The following GPR155 variants were observed in gnomAD, a reference collection of about 807,000 sequenced individuals.
GPR155 encodes the protein G protein-coupled receptor 155, also known as lysosomal cholesterol signaling protein.
A neutral mutation model predicts 93.1 loss-of-function variants in GPR155; 65 were observed. That is an observed-to-expected ratio of 0.70 (90% CI 0.57 to 0.86). The LOEUF (loss-of-function observed/expected upper bound fraction) is 0.86, where lower values mean the gene tolerates loss of function less well. GPR155 is among the 40% of genes least tolerant of loss of function. The pLI, the probability that GPR155 is intolerant of heterozygous loss-of-function variation, is 0.00. For synonymous variants in GPR155, 319 were observed against 360.1 expected, an observed-to-expected ratio of 0.89 and a Z score of 1.29; for missense variants, 838 against 1,034.8, an observed-to-expected ratio of 0.81 and a Z score of 2.61.
chr2:174,440,072 A>C (rs1417955132), intron 14 of GPR155, 37 bp from the exon 15 acceptor site: 1 of 1,584,468 alleles, frequency 6.3e-7, no homozygotes, highest in Non-Finnish European at 8.6e-7. Flanking sequence ...TAAGGACAGA[A>C]AAGCACTGAG....
rs11899528 is a variant in GPR155 at position 174,465,388 on chromosome 2, G to T, written c.1384+397C>A. On this transcript the variant is annotated intron_variant, in intron 7 of 15. Coordinates refer to ENST00000392552, the MANE Select transcript of GPR155 (RefSeq NM_152529.7). ...TGAGGCTTCAAAAGTTAAGTAATTTGCATGAGGCAGAGCCAGAATTTCCCT... is the reference window on the plus strand; with the variant it reads ...TGAGGCTTCAAAAGTTAAGTAATTTTCATGAGGCAGAGCCAGAATTTCCCT... Among the ~76,000 whole-genome samples the T allele has an allele frequency of 3.7e-4, 57 of 152,318 alleles. 1 individual carries two copies. In the East Asian group the frequency reaches 0.011, roughly 29 times the overall value.
In GPR155 at chr2:174,464,710, G is replaced by A. The variant is rs779922027; in HGVS notation, c.1384+1075C>T. ...TTATTAGACATCAAGTTGGTCCATC[G>A]ATATTTTGAAATATAAAGTCTTTAG... On this transcript the variant is annotated intron_variant, in intron 7 of 15. Transcript: ENST00000392552. Among the ~76,000 whole-genome samples the A allele has an allele frequency of 7.4e-4, 113 of 151,934 alleles. 1 individual carries two copies. The highest frequency in any genetic ancestry group is 1.2e-3 in the South Asian group (6 of 4,814).
chr2:174,467,000 T>C (rs1162739056), intron 5 of GPR155, among the ~76,000 whole-genome samples: 1 of 151,418 alleles, frequency 6.6e-6, no homozygotes, highest in African/African-American at 2.4e-5. Flanking sequence ...CTACTAAAAA[T>C]ACAAAAATTA....
At position 174,435,346 on chromosome 2, in the gene GPR155, C is replaced by T. The variant is rs1395693884; in HGVS notation, c.*770G>A. The T allele has an allele frequency of 6.6e-6, 1 of 152,108 alleles. No homozygotes were observed. Among genetic ancestry groups the T allele is most frequent in the African/African-American group, 2.4e-5 (1 of 41,422 alleles). 9.4% of individuals were successfully genotyped at this position (152,108 alleles called of 1,614,324 possible). On this transcript the variant is annotated 3_prime_UTR_variant, in exon 16 of 16. Transcript: ENST00000392552. Reference sequence around the variant, plus strand: ...TTATTCCCTAAACAATACAGTATAACAACAACTATTTACATAGCATTTACA... The same window carrying T: ...TTATTCCCTAAACAATACAGTATAATAACAACTATTTACATAGCATTTACA...
intron 13 of GPR155, 142 bp downstream of exon 13, chr2:174,444,939 T>C (rs1353544202): frequency 1.6e-6 from 1 of 606,242 alleles, no homozygotes; most frequent in Non-Finnish European, 2.9e-6. Flanking sequence ...CTGCCATGCA[T>C]ACCAGCAGCT....
Position 174,436,038 on chromosome 2 carries a change from T to C in GPR155, c.*78A>G. On this transcript the variant is annotated 3_prime_UTR_variant, in exon 16 of 16. Coordinates refer to ENST00000392552, the MANE Select transcript of GPR155 (RefSeq NM_152529.7). The stretch of plus-strand genomic sequence containing the variant: ...CTCAGAGAGGTTGCCTCTGTTAACT[T>C]GCCCAAGGTCACCCAGCTAAAAACT... The C allele has an allele frequency of 8.0e-7, 1 of 1,254,704 alleles. No homozygotes were observed. The highest frequency in any genetic ancestry group is 1.4e-5 in the South Asian group (1 of 71,848). The allele number at this position is 1,254,704 out of a possible 1,614,324, so 77.7% of individuals were successfully genotyped here. A position where few individuals can be genotyped will look rare whatever the true frequency, so the allele number is the denominator to read the frequency against.
At chr2:174,452,483 CT>C (rs1411696419) in intron 11 of GPR155, among the ~76,000 whole-genome samples, 1 of 152,042 alleles carries the variant, frequency 6.6e-6, no homozygotes, top group African/African-American at 2.4e-5. Flanking sequence ...TGACATAGGC[CT>C]TATCAAAAAG....
At chr2:174,482,793 C>T in intron 1 of GPR155, 1 of 152,338 alleles carries the variant, frequency 6.6e-6, no homozygotes, top group Non-Finnish European at 1.5e-5. Flanking sequence ...AGCCACTGTG[C>T]CCGACCTGAA....
At chr2:174,459,645 G>A (rs1687622356) in intron 10 of GPR155, among the ~76,000 whole-genome samples, 1 of 152,182 alleles carries the variant, frequency 6.6e-6, no homozygotes, top group Non-Finnish European at 1.5e-5. Context: ...AGCAGGTCGA[G>A]ACCAGCCTGG....
At position 174,475,757 on chromosome 2, in the gene GPR155, A is replaced by C. The variant is rs187281507; in HGVS notation, c.461-2393T>G. Among the ~76,000 whole-genome samples, 394 of 152,264 alleles carry C rather than the reference A, an allele frequency of 2.6e-3. 2 individuals are homozygous for C. The highest frequency in any genetic ancestry group is 9.2e-3 in the African/African-American group (382 of 41,558). On this transcript the variant is annotated intron_variant, in intron 2 of 15. Transcript: ENST00000392552. ...TAATTATATTTCTGATTCTCTTGAG[A>C]TATTTTATCTCAAGAGAAAGATGTT...
rs1460771767 is a variant in GPR155 at position 174,434,590 on chromosome 2, G to A, written c.*1526C>T. ...AAGACAAACTTTAAAAAAAAATAGT[G>A]CCTCTAGGTTTTTTTTGCTTGTTTT... On this transcript the variant is annotated 3_prime_UTR_variant, in exon 16 of 16. Transcript: ENST00000392552. 6.6e-6 allele frequency: 1 copy of A among 151,630 alleles called. No homozygotes were observed. The highest frequency in any genetic ancestry group is 2.4e-5 in the African/African-American group (1 of 41,302). 9.4% of individuals were successfully genotyped at this position (151,630 alleles called of 1,614,324 possible).
chr2:174,480,901 C>A (rs138386268), intron 2 of GPR155, among the ~76,000 whole-genome samples: 1 of 152,250 alleles, frequency 6.6e-6, no homozygotes, highest in East Asian at 1.9e-4. Context: ...TCTTGGGTAG[C>A]TGGGACTACA....
Position 174,468,946 on chromosome 2 carries a change from C to T in GPR155, c.1148G>A (p.Ser383Asn). Residue 383 changes from serine to asparagine, a missense_variant, in exon 5 of 16, where the codon AGT becomes AAT. Coordinates refer to ENST00000392552, the MANE Select transcript of GPR155 (RefSeq NM_152529.7). ...KPLAYAIQNV[S>N]FDISIVSLIS... is the part of the protein sequence containing the mutation. ...CAGGCTGACAATACTTATATCAAAA[C>T]TAACATTCTGGATGGCATATGCCAA... is the stretch of plus-strand genomic sequence containing the variant. 6.2e-7 allele frequency: 1 copy of T among 1,614,026 alleles called. No individual in the cohort carries two copies. Among genetic ancestry groups the T allele is most frequent in the South Asian group, 1.1e-5 (1 of 91,072 alleles).
Position 174,481,831 on chromosome 2 carries a change from A to C in GPR155, c.126T>G (p.Leu42=). The C allele has an allele frequency of 6.2e-7, 1 of 1,614,162 alleles. No homozygotes were observed. Among genetic ancestry groups the C allele is most frequent in the Non-Finnish European group, 8.5e-7 (1 of 1,179,970 alleles). The part of the protein sequence containing the change: ...NDPPSMSITR[L]FPALLECFGI... The stretch of plus-strand genomic sequence containing the variant: ...CAAAGCATTCCAGTAAGGCTGGAAA[A>C]AGCCTTGTAATTGACATTGAAGGTG... The change falls in exon 2 of 16, where the codon CTT becomes CTG. Residue 42 remains leucine, a synonymous_variant. Coordinates refer to ENST00000392552, the MANE Select transcript of GPR155 (RefSeq NM_152529.7).
At chr2:174,445,323 T>C in intron 12 of GPR155, 147 bp from the exon 13 acceptor site, 1 of 576,754 alleles carries the variant, frequency 1.7e-6, no homozygotes, top group Non-Finnish European at 3.1e-6. Flanking sequence ...AGAGGCTTTA[T>C]CTTTTCAATA....
intron 3 of GPR155, 143 bp from the exon 4 acceptor site, chr2:174,470,698 C>G (rs1687970524): frequency 1.7e-6 from 1 of 577,960 alleles, no homozygotes; most frequent in African/African-American, 1.9e-5. Context: ...GCATGTCTAC[C>G]TGGGCACATT....
chr2:174,485,771 AT>A (rs1183825944), intron 1 of GPR155, among the ~76,000 whole-genome samples: 31 of 152,078 alleles, frequency 2.0e-4, no homozygotes, highest in Non-Finnish European at 4.4e-5. Context: ...TTTCTAAAGC[AT>A]ATTTTAAAAT....
chr2:174,471,468 TAA>T (rs10581991), intron 3 of GPR155, among the ~76,000 whole-genome samples: 102,642 of 130,100 alleles, frequency 0.79, 40,193 homozygotes, highest in South Asian at 0.87. Flanking sequence ...TTCATCTTTG[TAA>T]AAAAAAAAAA....
Position 174,473,397 on chromosome 2 carries a change from G to T in GPR155, c.461-33C>A, listed in dbSNP as rs73975134. 3,626 of 1,368,810 alleles carry T rather than the reference G, an allele frequency of 2.6e-3. 83 individuals carry two copies. In the African/African-American group the frequency reaches 0.046, roughly 18 times the overall value. The allele number at this position is 1,368,810 out of a possible 1,614,324, so 84.8% of individuals were successfully genotyped here. A position where few individuals can be genotyped will look rare whatever the true frequency, so the allele number is the denominator to read the frequency against. On this transcript the variant is annotated intron_variant, in intron 2 of 15. Coordinates refer to ENST00000392552, the MANE Select transcript of GPR155 (RefSeq NM_152529.7). ...ACAAGAATATTGATTTTTAAATGAT[G>T]ACCACAGAAATACAGATATATGTTA...
Sources: gnomAD v4.1 joint callset for allele counts (sites outside exome capture counted in the v4.1 genomes callset) on GRCh38, gnomAD v4.1.1 for gene constraint, MANE v1.5 for transcripts, NCBI Gene and HGNC (gene_info 2026-07-23, HGNC 2026-07-21) for gene names.